ABHD2: variants seen among roughly 807,000 people sequenced by gnomAD.
The protein encoded by ABHD2 is monoacylglycerol lipase ABHD2.
A neutral mutation model predicts 48.1 loss-of-function variants in ABHD2; 20 were observed. That is an observed-to-expected ratio of 0.42 (90% CI 0.29 to 0.60). The LOEUF (loss-of-function observed/expected upper bound fraction) is 0.60, where lower values mean the gene tolerates loss of function less well. Ranked by LOEUF, ABHD2 falls within the 20% of genes least tolerant of loss-of-function variation. ABHD2 has a pLI of 0.24. For synonymous variants in ABHD2, 209 were observed against 214.2 expected (o/e 0.98, Z 0.21); for missense variants, 405 against 550.9 (o/e 0.74, Z 2.65).
At chr15:89,107,866 G>C (rs2049811027) in intron 1 of ABHD2, among the ~76,000 whole-genome samples, 1 of 152,154 alleles carries the variant, frequency 6.6e-6, no homozygotes, top group African/African-American at 2.4e-5. Flanking sequence ...AAGGAAGAGA[G>C]ATCTCCCCCT....
At chr15:89,071,743 G>C in the ABHD2 span, among the ~76,000 whole-genome samples, 1 of 152,188 alleles carries the variant, frequency 6.6e-6, no homozygotes, top group African/African-American at 2.4e-5. Context: ...ACACACTCAG[G>C]TGCGTCTGCC....
At chr15:89,043,346 A>T in the ABHD2 span, among the ~76,000 whole-genome samples, 7 of 152,136 alleles carry the variant, frequency 4.6e-5, no homozygotes, top group African/African-American at 1.7e-4. Flanking sequence ...GGATTACTTT[A>T]GCCCAGGAAT....
the ABHD2 span, among the ~76,000 whole-genome samples, chr15:89,064,479 C>T: frequency 1.3e-5 from 2 of 152,062 alleles, no homozygotes; most frequent in Non-Finnish European, 2.9e-5. Context: ...CCGCCCACCT[C>T]GGCCTCCCAA....
At chr15:89,159,035 A>G (rs187052246) in intron 5 of ABHD2, among the ~76,000 whole-genome samples, 144 of 152,188 alleles carry the variant, frequency 9.5e-4, no homozygotes, top group African/African-American at 3.1e-3. Flanking sequence ...TTTGTGACCC[A>G]GATAAATAAG....
At chr15:89,154,148 A>G (rs2050634595) in intron 4 of ABHD2, among the ~76,000 whole-genome samples, 1 of 152,216 alleles carries the variant, frequency 6.6e-6, no homozygotes, top group Non-Finnish European at 1.5e-5. Flanking sequence ...GTTTACAGAT[A>G]CGGTCATTGT....
the ABHD2 span, among the ~76,000 whole-genome samples, chr15:89,042,405 T>G: frequency 6.6e-6 from 1 of 152,162 alleles, no homozygotes; most frequent in Non-Finnish European, 1.5e-5. Context: ...AAGCACATGC[T>G]CCAAGTACAC....
intron 1 of ABHD2, among the ~76,000 whole-genome samples, chr15:89,099,768 G>A (rs1389859499): frequency 1.3e-5 from 2 of 151,968 alleles, no homozygotes; most frequent in Middle Eastern, 3.2e-3. Flanking sequence ...GCTGGGCATG[G>A]TAGTGCACAC....
chr15:89,201,744 G>A lies in ABHD2; in HGVS notation c.*6321G>A. 1.3e-6 allele frequency: 2 copies of A among 1,567,352 alleles called. No homozygotes were observed. Among genetic ancestry groups the A allele is most frequent in the African/African-American group, 1.4e-5 (1 of 73,976 alleles). On this transcript the variant is annotated 3_prime_UTR_variant, in exon 11 of 11. Transcript: ENST00000352732. The stretch of plus-strand genomic sequence containing the variant: ...GGGGCCTTTGAATTTGAGGTCTATG[G>A]GCGGGTCGAGGACCAGGATCTGCTC...
At chr15:89,079,408 T>C in the ABHD2 span, among the ~76,000 whole-genome samples, 1 of 152,052 alleles carries the variant, frequency 6.6e-6, no homozygotes, top group South Asian at 2.1e-4. The surrounding 1 kb of genome is among the most constrained non-coding windows in gnomAD (Gnocchi z 4.3). Flanking sequence ...AGAAGAACTA[T>C]GGTTACTTGT....
intron 5 of ABHD2, among the ~76,000 whole-genome samples, chr15:89,171,244 C>T (rs1257342269): frequency 6.6e-6 from 1 of 152,226 alleles, no homozygotes; most frequent in Non-Finnish European, 1.5e-5. Context: ...TCTCAGCCCA[C>T]CCAGACCAGT....
chr15:89,178,187 TGTG>T (rs925504794), intron 6 of ABHD2, among the ~76,000 whole-genome samples: 1 of 152,216 alleles, frequency 6.6e-6, no homozygotes, highest in African/African-American at 2.4e-5. Flanking sequence ...GCTAAGATCA[TGTG>T]GTCCTGCATA....
chr15:89,172,690 A>T (rs1246891927), intron 5 of ABHD2, among the ~76,000 whole-genome samples: 2 of 152,240 alleles, frequency 1.3e-5, no homozygotes, highest in African/African-American at 4.8e-5. Flanking sequence ...GTTTATGTAT[A>T]TCACTTTATT....
the ABHD2 span, among the ~76,000 whole-genome samples, chr15:89,044,049 C>T: frequency 2.0e-5 from 3 of 152,096 alleles, no homozygotes; most frequent in Non-Finnish European, 2.9e-5. Context: ...GCTATCCCTC[C>T]CCACTTCCCC....
At position 89,188,333 on chromosome 15, in the gene ABHD2, T is replaced by G. The variant is rs28565281; in HGVS notation, c.926+30T>G. 14,089 of 1,604,726 alleles carry G rather than the reference T, an allele frequency of 8.8e-3. 885 individuals are homozygous for G. In the African/African-American group the frequency reaches 0.15, roughly 17 times the overall value. On this transcript the variant is annotated intron_variant, in intron 8 of 10. Transcript: ENST00000352732. The surrounding 1 kb of genome is among the most constrained non-coding windows in gnomAD (Gnocchi z 4.1). ...GTCCGCGCAGGCGGGAGAGGGACGC[T>G]CTGGGGCAGGGTGCCAGGCAGGAGG...
At position 89,168,449 on chromosome 15, in the gene ABHD2, A is replaced by G. The variant is rs1159128414; in HGVS notation, c.539-7363A>G. Among the ~76,000 whole-genome samples the G allele has an allele frequency of 1.3e-5, 2 of 152,218 alleles. No homozygotes were observed. The highest frequency in any genetic ancestry group is 4.8e-5 in the African/African-American group (2 of 41,452). ...AGGCACTAAAGGTGTTTGGTAACTGACATCAGGGGAGGTCCCAGGAGGACC... is the reference window on the plus strand; with the variant it reads ...AGGCACTAAAGGTGTTTGGTAACTGGCATCAGGGGAGGTCCCAGGAGGACC... On this transcript the variant is annotated intron_variant, in intron 5 of 10. Transcript: ENST00000352732. The surrounding 1 kb of genome is among the most constrained non-coding windows in gnomAD (Gnocchi z 4.8).
chr15:89,069,674 C>T, the ABHD2 span, among the ~76,000 whole-genome samples: 8 of 52,896 alleles, frequency 1.5e-4, no homozygotes, highest in South Asian at 2.1e-3. Flanking sequence ...TTCATTTACT[C>T]TTTTTTTTTT....
chr15:89,155,502 T>C lies in ABHD2; in HGVS notation c.506T>C (p.Ile169Thr), dbSNP rs924626679. The change falls in exon 5 of 11, where the codon ATT becomes ACT. Residue 169 changes from isoleucine to threonine, a missense_variant. Physicochemically the swap from Ile to Thr is moderately conservative, Grantham distance 89. Transcript: ENST00000352732. This position sits in a 1 kb window ranked among gnomAD's most constrained non-coding sequence, Gnocchi z 4.9. ...VLNHLGALPN[I>T]ELTSPRMFTY... ...AACCACCTGGGTGCCCTGCCCAACA[T>C]TGAATTGACCTCGCCACGCATGTTC... 21 of 1,613,970 alleles carry C rather than the reference T, an allele frequency of 1.3e-5. No homozygotes were observed. Among genetic ancestry groups the C allele is most frequent in the South Asian group, 2.2e-5 (2 of 91,080 alleles).
chr15:89,079,738 C>A, the ABHD2 span, among the ~76,000 whole-genome samples: 1 of 152,218 alleles, frequency 6.6e-6, no homozygotes, highest in East Asian at 1.9e-4. The surrounding 1 kb of genome is among the most constrained non-coding windows in gnomAD (Gnocchi z 4.3). Flanking sequence ...TCAGTAAGAA[C>A]AGTGAGAGTC....
chr15:89,060,272 G>A, the ABHD2 span, among the ~76,000 whole-genome samples: 2,996 of 151,408 alleles, frequency 0.02, 93 homozygotes, highest in African/African-American at 0.068. Flanking sequence ...TTTGTATTTA[G>A]TAGAGACAGG....
Sources: allele counts gnomAD v4.1 joint callset (sites outside exome capture counted in the v4.1 genomes callset), GRCh38; gene constraint gnomAD v4.1.1; non-coding constraint Gnocchi (gnomAD v3.1); transcripts MANE v1.5; gene names NCBI Gene and HGNC (gene_info 2026-07-23, HGNC 2026-07-21).